Variants in FAM124A observed in about 807,000 individuals in gnomAD.
FAM124A encodes the protein family with sequence similarity 124 member A.
Under a neutral mutation model 24.5 loss-of-function variants are expected in FAM124A, and 23 were observed. That is an observed-to-expected ratio of 0.94 (90% CI 0.68 to 1.33). The LOEUF (loss-of-function observed/expected upper bound fraction) is 1.33, where lower values mean the gene tolerates loss of function less well. Ranked by LOEUF, FAM124A falls within the 40% of genes most tolerant of loss-of-function variation. The pLI is 0.00. For missense variants in FAM124A, 623 were observed against 722.8 expected (o/e 0.86, Z 1.58); for synonymous variants, 287 against 314.7 (o/e 0.91, Z 0.93).
intron 3 of FAM124A, among the ~76,000 whole-genome samples, chr13:51,271,649 T>C (rs951753797): frequency 3.3e-5 from 5 of 152,134 alleles, no homozygotes; most frequent in African/African-American, 7.2e-5. Context: ...GCAACCAGGA[T>C]TGCAAAGTAC....
At chr13:51,232,860 A>G (rs1341837745) in intron 2 of FAM124A, among the ~76,000 whole-genome samples, 2 of 152,228 alleles carry the variant, frequency 1.3e-5, no homozygotes, top group Non-Finnish European at 1.5e-5. Context: ...TCCTCTGGTC[A>G]CGACACAACA....
At chr13:51,222,637 A>G in intron 1 of FAM124A, 68 bp downstream of exon 1, 4 of 1,188,680 alleles carry the variant, frequency 3.4e-6, no homozygotes, top group Non-Finnish European at 4.2e-6. Context: ...TCCTCCCCGG[A>G]CGGGGACCCT....
chr13:51,250,557 G>C (rs1390541097), intron 2 of FAM124A, among the ~76,000 whole-genome samples: 2 of 152,186 alleles, frequency 1.3e-5, no homozygotes, highest in African/African-American at 4.8e-5. Flanking sequence ...TTCATGCTTG[G>C]AATTCAACAG....
Position 51,283,903 on chromosome 13 carries a change from C to G in FAM124A, c.*2647C>G, listed in dbSNP as rs1205640517. On this transcript the variant is annotated 3_prime_UTR_variant, in exon 4 of 4. Coordinates refer to ENST00000322475, the MANE Select transcript of FAM124A (RefSeq NM_001242312.2). ...CTTTAGAGTACAACTCTGGACCCGCCCTCATCACAGTCCAATCTACCAAAC... is the reference window on the plus strand; with the variant it reads ...CTTTAGAGTACAACTCTGGACCCGCGCTCATCACAGTCCAATCTACCAAAC... 1 of 152,192 alleles carries G rather than the reference C, an allele frequency of 6.6e-6. No homozygotes were observed. Among genetic ancestry groups the G allele is most frequent in the African/African-American group, 2.4e-5 (1 of 41,410 alleles). The allele number at this position is 152,192 out of a possible 1,614,324, so 9.4% of individuals were successfully genotyped here. A position where few individuals can be genotyped will look rare whatever the true frequency, so the allele number is the denominator to read the frequency against.
intron 2 of FAM124A, among the ~76,000 whole-genome samples, chr13:51,240,681 A>C (rs1201938962): frequency 6.6e-6 from 1 of 152,200 alleles, no homozygotes; most frequent in Non-Finnish European, 1.5e-5. Context: ...CTCCTATAAG[A>C]AGCTCCTATT....
rs901990651 is a variant in FAM124A, at chr13:51,283,574, C to T, written c.*2318C>T. On this transcript the variant is annotated 3_prime_UTR_variant, in exon 4 of 4. Coordinates refer to ENST00000322475, the MANE Select transcript of FAM124A (RefSeq NM_001242312.2). ...CCACAGGGCTCAGAACAGGAAGGAG[C>T]TTCTTTCTGCAGAGCTGATTCCTGG... 1 of 152,070 alleles carries T rather than the reference C, an allele frequency of 6.6e-6. No homozygotes were observed. The highest frequency in any genetic ancestry group is 6.6e-5 in the Admixed American group (1 of 15,262). 9.4% of individuals were successfully genotyped at this position (152,070 alleles called of 1,614,324 possible).
intron 3 of FAM124A, among the ~76,000 whole-genome samples, chr13:51,267,099 G>A (rs1045477689): frequency 6.6e-5 from 10 of 152,202 alleles, no homozygotes; most frequent in Non-Finnish European, 8.8e-5. Flanking sequence ...TTTAAAACTT[G>A]TAATAGGCTG....
chr13:51,280,252 T>A (rs1051541367), intron 3 of FAM124A, among the ~76,000 whole-genome samples, 198 bp from the exon 4 acceptor site: 2 of 152,210 alleles, frequency 1.3e-5, no homozygotes, highest in Non-Finnish European at 2.9e-5. Flanking sequence ...AGATGGCTCC[T>A]CAGACTGAAA....
At chr13:51,265,508 T>G (rs188845521) in intron 3 of FAM124A, among the ~76,000 whole-genome samples, 22 of 152,070 alleles carry the variant, frequency 1.4e-4, no homozygotes, top group Admixed American at 3.9e-4. Context: ...CCCTATACAA[T>G]GCTGCAGGGA....
At chr13:51,227,597 G>A (rs1030403512) in intron 1 of FAM124A, among the ~76,000 whole-genome samples, 1 of 152,204 alleles carries the variant, frequency 6.6e-6, no homozygotes, top group Non-Finnish European at 1.5e-5. Flanking sequence ...ACTATCTTAA[G>A]AAACAGAATC....
Position 51,271,029 on chromosome 13 carries a change from G to A in FAM124A, c.835-9421G>A, listed in dbSNP as rs540208189. On this transcript the variant is annotated intron_variant, in intron 3 of 3. Transcript: ENST00000322475. ...AATTAAAATTTATTGAGAGGGAAATGTGGCAGTGGAAATTCATTCTCTGGA... is the reference window on the plus strand; with the variant it reads ...AATTAAAATTTATTGAGAGGGAAATATGGCAGTGGAAATTCATTCTCTGGA... Among the ~76,000 whole-genome samples, 5 of 152,258 alleles carry A rather than the reference G, an allele frequency of 3.3e-5. No homozygotes were observed. The South Asian group carries it at 1.0e-3, about 32-fold the overall frequency.
intron 3 of FAM124A, among the ~76,000 whole-genome samples, chr13:51,264,803 G>A (rs2137696700): frequency 6.6e-6 from 1 of 152,278 alleles, no homozygotes; most frequent in South Asian, 2.1e-4. Context: ...GAGTAACTGA[G>A]ATGTCCATCA....
intron 2 of FAM124A, among the ~76,000 whole-genome samples, chr13:51,234,988 TC>T (rs1012151395): frequency 6.6e-6 from 1 of 152,146 alleles, no homozygotes; most frequent in African/African-American, 2.4e-5. Flanking sequence ...ACCTCACAGA[TC>T]ATGGAACTGC....
intron 2 of FAM124A, among the ~76,000 whole-genome samples, chr13:51,239,138 A>C (rs1284759020): frequency 6.6e-6 from 1 of 152,218 alleles, no homozygotes; most frequent in African/African-American, 2.4e-5. Context: ...CCCCCAAGAC[A>C]GGAAACGAAA....
intron 2 of FAM124A, among the ~76,000 whole-genome samples, chr13:51,234,356 A>G (rs1954413240): frequency 6.6e-6 from 1 of 152,120 alleles, no homozygotes; most frequent in South Asian, 2.1e-4. Flanking sequence ...GCACCATTCT[A>G]TTTAGTTGTC....
In FAM124A at chr13:51,281,382, T is replaced by G; in HGVS notation, c.*126T>G. 2 of 944,470 alleles carry G rather than the reference T, an allele frequency of 2.1e-6. No homozygotes were observed. Among genetic ancestry groups the G allele is most frequent in the South Asian group, 4.1e-5 (2 of 49,308 alleles). The allele number at this position is 944,470 out of a possible 1,614,324, so 58.5% of individuals were successfully genotyped here. A position where few individuals can be genotyped will look rare whatever the true frequency, so the allele number is the denominator to read the frequency against. ...ATTTCCCAGGAGCCCGTAGCACATT[T>G]GCCTACCACCCACTCTTAGCTGGGG... On this transcript the variant is annotated 3_prime_UTR_variant, in exon 4 of 4. Coordinates refer to ENST00000322475, the MANE Select transcript of FAM124A (RefSeq NM_001242312.2).
Position 51,251,461 on chromosome 13 carries a change from C to G in FAM124A, c.101-7C>G. 6.7e-7 allele frequency: 1 copy of G among 1,492,990 alleles called. No individual in the cohort carries two copies. The highest frequency in any genetic ancestry group is 8.9e-7 in the Non-Finnish European group (1 of 1,120,676). 92.5% of individuals were successfully genotyped at this position (1,492,990 alleles called of 1,614,324 possible). A position where few individuals can be genotyped will look rare whatever the true frequency, so the allele number is the denominator to read the frequency against. ...CATTCATCCATTCGTTTTTTGCGTG[C>G]CCCCAGGTGAGCTTTCCGTTGAAGA... On this transcript the variant is annotated splice_polypyrimidine_tract_variant and splice_region_variant and intron_variant, in intron 2 of 3. Transcript: ENST00000322475. This position sits in a 1 kb window ranked among gnomAD's most constrained non-coding sequence, Gnocchi z 5.3.
At chr13:51,278,170 T>C (rs1410133799) in intron 3 of FAM124A, among the ~76,000 whole-genome samples, 1 of 152,154 alleles carries the variant, frequency 6.6e-6, no homozygotes, top group African/African-American at 2.4e-5. Flanking sequence ...TTGGAGCAGC[T>C]CAGGAGGGCA....
In FAM124A at chr13:51,239,118, A is replaced by G. The variant is rs547067087; in HGVS notation, c.100+7739A>G. 2.9e-4 allele frequency among the ~76,000 whole-genome samples: 44 copies of G among 152,350 alleles called. No homozygotes were observed. The South Asian group carries it at 7.9e-3, about 27-fold the overall frequency. On this transcript the variant is annotated intron_variant, in intron 2 of 3. Transcript: ENST00000322475. ...CAGGGATATCTGGTCTACCAGAATCATCAGGATTTCCCCCAAGACAGGAAA... is the reference window on the plus strand; with the variant it reads ...CAGGGATATCTGGTCTACCAGAATCGTCAGGATTTCCCCCAAGACAGGAAA...
Sources: gnomAD v4.1 joint callset for allele counts (sites outside exome capture counted in the v4.1 genomes callset) on GRCh38, gnomAD v4.1.1 for gene constraint, Gnocchi (gnomAD v3.1) non-coding constraint, MANE v1.5 for transcripts, NCBI Gene and HGNC (gene_info 2026-07-23, HGNC 2026-07-21) for gene names.